Variants in CSNK1G1 observed in about 807,000 individuals in gnomAD.
CSNK1G1 encodes the protein casein kinase I isoform gamma-1.
Under a neutral mutation model 59.6 loss-of-function variants are expected in CSNK1G1, and 22 were observed. The observed-to-expected ratio is 0.37, with a 90% CI of 0.26 to 0.53. CSNK1G1 has a LOEUF of 0.53. Among genes scored for constraint, CSNK1G1 ranks in the 20% least tolerant of loss-of-function variants. The pLI, the probability that CSNK1G1 is intolerant of heterozygous loss-of-function variation, is 0.89. For synonymous variants in CSNK1G1, 179 were observed against 177.1 expected, an observed-to-expected ratio of 1.01 and a Z score of -0.08; for missense variants, 384 against 519.5, an observed-to-expected ratio of 0.74 and a Z score of 2.54.
intron 4 of CSNK1G1, among the ~76,000 whole-genome samples, chr15:64,243,543 TC>T (rs1216249957): frequency 6.6e-6 from 1 of 151,776 alleles, no homozygotes; most frequent in Non-Finnish European, 1.5e-5. Context: ...AGAAGTACTA[TC>T]CAGAGCAAAC....
intron 1 of CSNK1G1, among the ~76,000 whole-genome samples, chr15:64,319,999 G>T (rs1234832354): frequency 6.8e-6 from 1 of 146,710 alleles, no homozygotes. Context: ...CAACCTTCTG[G>T]GCTCAAGCAA....
chr15:64,309,988 C>T (rs1895905401), intron 1 of CSNK1G1, among the ~76,000 whole-genome samples: 1 of 151,908 alleles, frequency 6.6e-6, no homozygotes, highest in East Asian at 1.9e-4. Context: ...TGGCACATGC[C>T]TGTAGTCTCA....
At chr15:64,191,875 T>C (rs1464932909) in intron 10 of CSNK1G1, among the ~76,000 whole-genome samples, 2 of 152,200 alleles carry the variant, frequency 1.3e-5, no homozygotes, top group Non-Finnish European at 2.9e-5. Flanking sequence ...TTCGGTAAGA[T>C]GTTAAATTCT....
chr15:64,192,840 TAAAAAAAAAAAAAAAAAA>T (rs66643774), intron 10 of CSNK1G1, among the ~76,000 whole-genome samples: 14 of 32,228 alleles, frequency 4.3e-4, no homozygotes, highest in Admixed American at 2.8e-3. Context: ...GAGATCTGCC[TAAAAAAAAAAAAAAAAAA>T]AAAAAAAAAA....
At chr15:64,254,831 T>C (rs933441962) in intron 3 of CSNK1G1, among the ~76,000 whole-genome samples, 2 of 152,240 alleles carry the variant, frequency 1.3e-5, no homozygotes, top group African/African-American at 4.8e-5. Context: ...TCTTTTGTTG[T>C]CTGTGATTTT....
intron 1 of CSNK1G1, among the ~76,000 whole-genome samples, chr15:64,354,904 C>A (rs972192965): frequency 4.6e-5 from 7 of 152,146 alleles, no homozygotes; most frequent in African/African-American, 1.4e-4. Context: ...CACTTGACCG[C>A]AATTATCTCC....
intron 4 of CSNK1G1, among the ~76,000 whole-genome samples, chr15:64,243,369 C>A (rs1219175954): frequency 6.6e-6 from 1 of 151,630 alleles, no homozygotes; most frequent in Non-Finnish European, 1.5e-5. Context: ...ACAAAAAAAA[C>A]CCTCAACAAA....
In CSNK1G1 at chr15:64,239,105, C is replaced by T. The variant is rs117804659; in HGVS notation, c.292+12407G>A. ...CCTACCTGCACACAGATTCATCACA[C>T]TCTTCCCAACCGGCACACTAAGACC... On this transcript the variant is annotated intron_variant, in intron 4 of 11. Transcript: ENST00000303052. 2.6e-3 allele frequency among the ~76,000 whole-genome samples: 401 copies of T among 152,300 alleles called. 3 individuals carry two copies. Among genetic ancestry groups the T allele is most frequent in the Admixed American group, 4.6e-3 (70 of 15,302 alleles).
intron 4 of CSNK1G1, among the ~76,000 whole-genome samples, chr15:64,246,756 G>C (rs7183694): frequency 0.19 from 29,069 of 151,756 alleles, 3,841 homozygotes; most frequent in African/African-American, 0.38. Context: ...CAGGATATGG[G>C]AGCCTAGACT....
intron 10 of CSNK1G1, chr15:64,189,437 G>A (rs1416945197): frequency 3.9e-6 from 5 of 1,292,030 alleles, no homozygotes; most frequent in Non-Finnish European, 5.1e-6. Context: ...CCAGATGGCT[G>A]AGTTGTTAAC....
At chr15:64,293,654 G>A (rs1173297945) in intron 2 of CSNK1G1, among the ~76,000 whole-genome samples, 1 of 152,222 alleles carries the variant, frequency 6.6e-6, no homozygotes, top group Non-Finnish European at 1.5e-5. Context: ...GTGCCAGTCC[G>A]TGGCCCTGTT....
intron 1 of CSNK1G1, among the ~76,000 whole-genome samples, chr15:64,316,425 A>G (rs1049850260): frequency 1.3e-5 from 2 of 151,664 alleles, no homozygotes; most frequent in Non-Finnish European, 2.9e-5. Flanking sequence ...AGTCCCAGCT[A>G]CTTGGGAGGC....
At chr15:64,347,292 G>C (rs1898027834) in intron 1 of CSNK1G1, among the ~76,000 whole-genome samples, 1 of 152,054 alleles carries the variant, frequency 6.6e-6, no homozygotes, top group Non-Finnish European at 1.5e-5. Context: ...TCACACTCCT[G>C]GGTATTTACT....
chr15:64,172,102 A>G, intron 11 of CSNK1G1, 117 bp from the exon 12 acceptor site: 1 of 862,288 alleles, frequency 1.2e-6, no homozygotes, highest in Non-Finnish European at 1.9e-6. Context: ...ACCCATAGGG[A>G]CCACCCACCA....
rs114398446 is a variant in CSNK1G1 at position 64,308,051 on chromosome 15, C to T, written c.-224-7328G>A. On this transcript the variant is annotated intron_variant, in intron 1 of 11. Transcript: ENST00000303052. ...TCGTCTTCTACTTGCCAAAAAGGCA[C>T]AGAAAACACTGTCCACTTAATCTAT... is the stretch of plus-strand genomic sequence containing the variant. Among the ~76,000 whole-genome samples the T allele has an allele frequency of 8.3e-3, 1,260 of 152,184 alleles. 17 individuals are homozygous for T. Among genetic ancestry groups the T allele is most frequent in the African/African-American group, 0.029 (1,206 of 41,534 alleles).
intron 2 of CSNK1G1, among the ~76,000 whole-genome samples, chr15:64,283,250 A>T (rs1312922443): frequency 6.6e-6 from 1 of 152,180 alleles, no homozygotes; most frequent in African/African-American, 2.4e-5. Context: ...ATGAGTTGTA[A>T]GAGTCTTCTA....
intron 1 of CSNK1G1, among the ~76,000 whole-genome samples, chr15:64,316,395 G>T (rs901373939): frequency 2.6e-5 from 4 of 151,912 alleles, no homozygotes; most frequent in African/African-American, 9.7e-5. Flanking sequence ...AATTAGCCGG[G>T]CATGGTGGCA....
chr15:64,310,080 T>G (rs545845314), intron 1 of CSNK1G1, among the ~76,000 whole-genome samples: 6 of 151,928 alleles, frequency 3.9e-5, no homozygotes, highest in African/African-American at 1.4e-4. Context: ...ACCACTACCC[T>G]CCAGCCTGGG....
chr15:64,289,914 C>G (rs1433303992), intron 2 of CSNK1G1, among the ~76,000 whole-genome samples: 1 of 152,084 alleles, frequency 6.6e-6, no homozygotes, highest in Admixed American at 6.6e-5. Context: ...AAGAACTAAT[C>G]AGCAGAGAGA....
Sources: allele counts gnomAD v4.1 joint callset (sites outside exome capture counted in the v4.1 genomes callset), GRCh38; gene constraint gnomAD v4.1.1; transcripts MANE v1.5; gene names NCBI Gene and HGNC (gene_info 2026-07-23, HGNC 2026-07-21).